CUBN: variants seen among roughly 807,000 people sequenced by gnomAD.
The protein encoded by CUBN is cubilin.
Under a neutral mutation model 405.3 loss-of-function variants are expected in CUBN, and 282 were observed. The observed-to-expected ratio is 0.70, with a 90% CI of 0.63 to 0.77. CUBN has a LOEUF of 0.77. CUBN is among the 30% of genes least tolerant of loss of function. The probability of loss-of-function intolerance (pLI) is 0.00; values close to 1 mark genes in which losing one functional copy is unlikely to be tolerated. For synonymous variants in CUBN, 1,684 were observed against 1,617.0 expected, an observed-to-expected ratio of 1.04 and a Z score of -0.99; for missense variants, 4,514 against 4,475.2, an observed-to-expected ratio of 1.01 and a Z score of -0.25.
intron 51 of CUBN, among the ~76,000 whole-genome samples, chr10:16,901,936 C>A (rs1841394234): frequency 8.2e-6 from 1 of 122,330 alleles, no homozygotes; most frequent in Non-Finnish European, 1.7e-5. Context: ...CACACACACA[C>A]CATATATAGT....
rs980358703 is a variant in CUBN at position 16,939,116 on chromosome 10, A to T, written c.5580T>A (p.His1860Gln). 6.2e-7 allele frequency: 1 copy of T among 1,613,934 alleles called. No individual in the cohort carries two copies. ...GCCAGAAAGGAGAGGCGACTTTCCC[A>T]TGAGTTCCCACAATATTATCATTGC... ...IFGNDNIVGT[H>Q]GKVASPFWPE... Residue 1860 changes from histidine (H) to glutamine (Q), a missense_variant, in exon 38 of 67, where the codon CAT becomes CAA. This residue lies in a region of CUBN where 1,613 missense variants were observed against 1,542.8 expected (regional missense o/e 1.05). Coordinates refer to ENST00000377833, the MANE Select transcript of CUBN (RefSeq NM_001081.4).
At chr10:17,034,527 A>T (rs1834853305) in intron 27 of CUBN, among the ~76,000 whole-genome samples, 1 of 152,198 alleles carries the variant, frequency 6.6e-6, no homozygotes, top group Non-Finnish European at 1.5e-5. Flanking sequence ...GGCTATGAAC[A>T]GTGGTCTCAA....
intron 60 of CUBN, among the ~76,000 whole-genome samples, chr10:16,844,032 G>A (rs1478709204): frequency 2.0e-5 from 3 of 152,092 alleles, no homozygotes; most frequent in Non-Finnish European, 4.4e-5. Context: ...CACTTTGGGA[G>A]GCCGAGGCAG....
At chr10:16,923,909 C>T (rs550628655) in intron 43 of CUBN, among the ~76,000 whole-genome samples, 2 of 151,948 alleles carry the variant, frequency 1.3e-5, no homozygotes, top group African/African-American at 4.8e-5. Flanking sequence ...CCATGTTTAC[C>T]AAAAGTACAA....
rs531600479 is a variant in CUBN, at chr10:16,982,784, T to A, written c.4526-131A>T. ...AGTCGATGCTAAAAACACTGAAGAA[T>A]TTGATATCCACATTAAGCCATTTAT... On this transcript the variant is annotated intron_variant, in intron 30 of 66. Transcript: ENST00000377833. 6.1e-6 allele frequency: 5 copies of A among 817,644 alleles called. No individual in the cohort carries two copies. In the African/African-American group the frequency reaches 8.4e-5, roughly 14 times the overall value. 50.6% of individuals were successfully genotyped at this position (817,644 alleles called of 1,614,324 possible).
rs576078878 is a variant in CUBN, at chr10:16,884,383, T to C, written c.8905+4034A>G. On this transcript the variant is annotated intron_variant, in intron 56 of 66. Transcript: ENST00000377833. ...TTATCTATGAAGTAAGAAAACTGGA[T>C]CTATAATTTTTTTTTTTTTTAGCAG... 4.5e-4 allele frequency among the ~76,000 whole-genome samples: 47 copies of C among 105,454 alleles called. No individual in the cohort carries two copies. The South Asian group carries it at 9.3e-3, about 21-fold the overall frequency. 69.2% of individuals were successfully genotyped at this position (105,454 alleles called of 152,430 possible).
In CUBN at chr10:17,114,092, G is replaced by C; in HGVS notation, c.818C>G (p.Pro273Arg). The C allele has an allele frequency of 6.2e-7, 1 of 1,613,350 alleles. No individual in the cohort carries two copies. Among genetic ancestry groups the C allele is most frequent in the Non-Finnish European group, 8.5e-7 (1 of 1,179,718 alleles). The change falls in exon 8 of 67, where the codon CCT (proline) becomes CGT (arginine). Residue 273 changes from proline (P) to arginine (R), a missense_variant. Physicochemically the swap from Pro to Arg is moderately radical, Grantham distance 103. Transcript: ENST00000377833. ...GAAACACTGCACAAGTGTGGAGCAA[G>C]GCCCGGGCTGGAAGCTGCACTCGTC... ...DRDECSFQPG[P>R]CSTLVQCFNT...
At chr10:16,912,966 C>A (rs1461238603) in intron 48 of CUBN, among the ~76,000 whole-genome samples, 1 of 152,126 alleles carries the variant, frequency 6.6e-6, no homozygotes, top group East Asian at 1.9e-4. Flanking sequence ...CGAGGTGGAA[C>A]TTTCTAAAAT....
chr10:16,885,485 C>CTA (rs575218076), intron 56 of CUBN, among the ~76,000 whole-genome samples: 4 of 151,768 alleles, frequency 2.6e-5, no homozygotes, highest in East Asian at 3.9e-4. Flanking sequence ...TAGCAAAGTG[C>CTA]TATATATATA....
intron 41 of CUBN, among the ~76,000 whole-genome samples, chr10:16,926,600 A>G (rs1842195021): frequency 6.6e-6 from 1 of 152,084 alleles, no homozygotes; most frequent in African/African-American, 2.4e-5. Flanking sequence ...TGGAATCTAG[A>G]TACATTGTGA....
chr10:17,012,318 G>A (rs2131765202), intron 28 of CUBN, among the ~76,000 whole-genome samples: 1 of 152,310 alleles, frequency 6.6e-6, no homozygotes, highest in Admixed American at 6.5e-5. Context: ...GGCATTGTCT[G>A]ATATCAGAAG....
chr10:17,045,294 T>C (rs1368403204), intron 24 of CUBN, 106 bp from the exon 25 acceptor site: 5 of 1,071,296 alleles, frequency 4.7e-6, no homozygotes, highest in Non-Finnish European at 7.1e-6. Flanking sequence ...TTAAATCAAA[T>C]TGCACAGCAA....
intron 17 of CUBN, among the ~76,000 whole-genome samples, chr10:17,079,544 TACAA>T (rs904144169): frequency 1.4e-4 from 21 of 151,934 alleles, no homozygotes; most frequent in African/African-American, 3.9e-4. Flanking sequence ...TGGCCAAGAG[TACAA>T]ACTCTTGAGG....
intron 8 of CUBN, 90 bp downstream of exon 8, chr10:17,113,937 T>G (rs1204031229): frequency 7.9e-7 from 1 of 1,268,222 alleles, no homozygotes; most frequent in Non-Finnish European, 1.1e-6. Context: ...CTAAGAATTG[T>G]CTTCTTACTC....
chr10:17,095,310 A>T (rs1564513409), intron 14 of CUBN, among the ~76,000 whole-genome samples: 1 of 152,108 alleles, frequency 6.6e-6, no homozygotes, highest in Non-Finnish European at 1.5e-5. Flanking sequence ...AGGAAAACAT[A>T]CAGGAAAAGC....
At chr10:17,129,445 C>G (rs183758603) in intron 1 of CUBN, among the ~76,000 whole-genome samples, 195 bp from the exon 2 acceptor site, 1 of 152,322 alleles carries the variant, frequency 6.6e-6, no homozygotes, top group Admixed American at 6.5e-5. Context: ...CAATTGCAAA[C>G]AGATTATTTG....
At chr10:16,949,470 G>A (rs61841457) in intron 34 of CUBN, among the ~76,000 whole-genome samples, 45 of 134,272 alleles carry the variant, frequency 3.4e-4, no homozygotes, top group African/African-American at 9.6e-4. Flanking sequence ...TGTGTAGTGT[G>A]TGTGTGTTTG....
At chr10:17,073,571 C>A (rs1183664357) in intron 17 of CUBN, among the ~76,000 whole-genome samples, 1 of 151,852 alleles carries the variant, frequency 6.6e-6, no homozygotes, top group Non-Finnish European at 1.5e-5. Flanking sequence ...CTCAGCCTCC[C>A]AAGTAGCTGG....
At chr10:17,112,130 T>C (rs1169424047) in intron 8 of CUBN, among the ~76,000 whole-genome samples, 1 of 152,212 alleles carries the variant, frequency 6.6e-6, no homozygotes, top group Non-Finnish European at 1.5e-5. Context: ...TGTAGATTTA[T>C]AATTCAAATT....
Sources: allele counts gnomAD v4.1 joint callset (sites outside exome capture counted in the v4.1 genomes callset), GRCh38; gene constraint gnomAD v4.1.1; regional missense constraint gnomAD v4.1.1; transcripts MANE v1.5; gene names NCBI Gene and HGNC (gene_info 2026-07-23, HGNC 2026-07-21).